PTPN5: variants seen among roughly 807,000 people sequenced by gnomAD.
PTPN5 encodes protein tyrosine phosphatase non-receptor type 5, also known as tyrosine-protein phosphatase non-receptor type 5.
A neutral mutation model predicts 73.9 loss-of-function variants in PTPN5; 29 were observed. The ratio of observed to expected loss-of-function variants is 0.39; its 90% CI spans 0.29 to 0.54. The LOEUF (loss-of-function observed/expected upper bound fraction) is 0.54. Among genes scored for constraint, PTPN5 ranks in the 20% least tolerant of loss-of-function variants. PTPN5 has a pLI of 0.65. For synonymous variants in PTPN5, 267 were observed against 304.7 expected, an observed-to-expected ratio of 0.88 and a Z score of 1.29; for missense variants, 652 against 751.4, an observed-to-expected ratio of 0.87 and a Z score of 1.55.
intron 9 of PTPN5, among the ~76,000 whole-genome samples, chr11:18,737,235 G>C (rs1270904953): frequency 6.6e-6 from 1 of 152,168 alleles, no homozygotes; most frequent in Admixed American, 6.5e-5. Flanking sequence ...TGAAAGAGGA[G>C]CATCAGGTCA....
chr11:18,746,192 T>TATATATATATATATATACAC (rs550537453), intron 3 of PTPN5, among the ~76,000 whole-genome samples: 1 of 102,820 alleles, frequency 9.7e-6, no homozygotes, highest in Non-Finnish European at 2.1e-5. Flanking sequence ...TATATATATA[T>TATATATATATATATATACAC]ACATTTTTTT....
At chr11:18,739,811 C>A (rs956774799) in intron 8 of PTPN5, among the ~76,000 whole-genome samples, 1 of 152,212 alleles carries the variant, frequency 6.6e-6, no homozygotes, top group Non-Finnish European at 1.5e-5. Flanking sequence ...AGCTTTGGAG[C>A]CTCAGCCCCT....
chr11:18,770,142 T>C (rs993503712), intron 2 of PTPN5, among the ~76,000 whole-genome samples: 10 of 152,220 alleles, frequency 6.6e-5, no homozygotes, highest in African/African-American at 2.4e-4. Flanking sequence ...GTGCTAAAAT[T>C]CCCATAGCAT....
chr11:18,746,190 TATAC>T (rs1849624104), intron 3 of PTPN5, among the ~76,000 whole-genome samples: 1 of 116,958 alleles, frequency 8.6e-6, no homozygotes, highest in African/African-American at 2.8e-5. Context: ...TATATATATA[TATAC>T]ATTTTTTTTT....
chr11:18,784,073 C>G (rs1851561812), intron 1 of PTPN5, among the ~76,000 whole-genome samples: 1 of 152,182 alleles, frequency 6.6e-6, no homozygotes, highest in South Asian at 2.1e-4. Context: ...GGTCTTCATA[C>G]TGGGCACACA....
intron 1 of PTPN5, among the ~76,000 whole-genome samples, chr11:18,784,380 G>A (rs1851575832): frequency 6.6e-6 from 1 of 151,832 alleles, no homozygotes; most frequent in African/African-American, 2.4e-5. Context: ...ATTAGGCTAA[G>A]TGAAAGAAGC....
intron 3 of PTPN5, 75 bp downstream of exon 3, chr11:18,765,732 C>T: frequency 9.8e-7 from 1 of 1,022,682 alleles, no homozygotes. Context: ...AGGCTTTACT[C>T]CAGCCCCAGC....
intron 1 of PTPN5, among the ~76,000 whole-genome samples, chr11:18,780,261 C>T (rs1422593993): frequency 1.3e-5 from 2 of 152,160 alleles, no homozygotes; most frequent in African/African-American, 4.8e-5. Context: ...TTTCCAGGTC[C>T]CCAAGTCAGA....
intron 1 of PTPN5, among the ~76,000 whole-genome samples, chr11:18,781,696 A>C (rs1168956292): frequency 6.6e-6 from 1 of 151,938 alleles, no homozygotes; most frequent in Non-Finnish European, 1.5e-5. Context: ...ATCTTACTAT[A>C]ATCTTATATC....
intron 3 of PTPN5, among the ~76,000 whole-genome samples, chr11:18,748,216 C>T (rs548212578): frequency 9.9e-4 from 151 of 152,148 alleles, no homozygotes; most frequent in Non-Finnish European, 1.9e-3. Flanking sequence ...ACAGAGTATG[C>T]GAGGCTCTGT....
chr11:18,778,924 T>C (rs893124627), intron 1 of PTPN5, among the ~76,000 whole-genome samples: 1 of 152,230 alleles, frequency 6.6e-6, no homozygotes, highest in Admixed American at 6.5e-5. Context: ...GTTTCATCCC[T>C]AGACTTCCCT....
chr11:18,728,722 T>A lies in PTPN5; in HGVS notation c.*212A>T, dbSNP rs1002767177. ...CCGGGGCCCCAGGCCTGGCCTGGCA[T>A]GTCCCTTCCCGACCCTGCCCCCCAC... On this transcript the variant is annotated 3_prime_UTR_variant, in exon 15 of 15. Coordinates refer to ENST00000358540, the MANE Select transcript of PTPN5 (RefSeq NM_006906.2). This position sits in a 1 kb window ranked among gnomAD's most constrained non-coding sequence, Gnocchi z 4.1. 1.0e-4 allele frequency: 52 copies of A among 505,038 alleles called. No homozygotes were observed. The highest frequency in any genetic ancestry group is 9.7e-4 in the African/African-American group (49 of 50,340). The allele number at this position is 505,038 out of a possible 1,614,324, so 31.3% of individuals were successfully genotyped here.
intron 3 of PTPN5, among the ~76,000 whole-genome samples, chr11:18,755,625 A>T (rs1850096173): frequency 6.6e-6 from 1 of 152,046 alleles, no homozygotes. Flanking sequence ...TAGAGGACTG[A>T]TGCACAATTC....
intron 1 of PTPN5, among the ~76,000 whole-genome samples, chr11:18,773,243 C>T (rs1465629255): frequency 6.8e-6 from 1 of 147,766 alleles, no homozygotes. Flanking sequence ...GGCCAAGTTC[C>T]TGGAGGAGCT....
chr11:18,730,772 CAGAATA>C (rs1458670332), intron 12 of PTPN5: 1 of 152,240 alleles, frequency 6.6e-6, no homozygotes, highest in Non-Finnish European at 1.5e-5. Flanking sequence ...TCACTGCTCT[CAGAATA>C]AGACCCACTC....
chr11:18,773,098 T>C (rs1275861269), intron 1 of PTPN5, among the ~76,000 whole-genome samples: 1 of 149,442 alleles, frequency 6.7e-6, no homozygotes. Flanking sequence ...TAGAAAGAAA[T>C]GTAGTCTAAA....
At chr11:18,753,806 A>G (rs1850003729) in intron 3 of PTPN5, among the ~76,000 whole-genome samples, 1 of 152,204 alleles carries the variant, frequency 6.6e-6, no homozygotes, top group South Asian at 2.1e-4. Flanking sequence ...CCAAGTGTTC[A>G]GGGACATCTT....
chr11:18,740,308 G>A (rs1201589746), intron 8 of PTPN5: 5 of 243,530 alleles, frequency 2.1e-5, no homozygotes, highest in African/African-American at 6.7e-5. Flanking sequence ...ACAGCACTGG[G>A]CAATAAAGAC....
At chr11:18,779,765 T>C (rs1851336996) in intron 1 of PTPN5, among the ~76,000 whole-genome samples, 1 of 152,108 alleles carries the variant, frequency 6.6e-6, no homozygotes, top group Non-Finnish European at 1.5e-5. Context: ...TGAGATCACA[T>C]ATTGTAAGGC....
Sources: gnomAD v4.1 joint callset for allele counts (sites outside exome capture counted in the v4.1 genomes callset) on GRCh38, gnomAD v4.1.1 for gene constraint, Gnocchi (gnomAD v3.1) non-coding constraint, MANE v1.5 for transcripts, NCBI Gene and HGNC (gene_info 2026-07-23, HGNC 2026-07-21) for gene names.